Variants in BDNF observed in about 807,000 individuals in gnomAD.
BDNF encodes the protein brain derived neurotrophic factor.
A neutral mutation model predicts 19.5 loss-of-function variants in BDNF; 1 was observed. That is an observed-to-expected ratio of 0.05 (90% CI 0.02 to 0.24). BDNF has a LOEUF of 0.24. Among genes scored for constraint, BDNF ranks in the 10% least tolerant of loss-of-function variants. The pLI, the probability that BDNF is intolerant of heterozygous loss-of-function variation, is 1.00. For synonymous variants in BDNF, 100 were observed against 121.6 expected, an observed-to-expected ratio of 0.82 and a Z score of 1.17; for missense variants, 195 against 317.6, an observed-to-expected ratio of 0.61 and a Z score of 2.93.
chr11:27,716,436 C>A (rs1860512264), intron 1 of BDNF, among the ~76,000 whole-genome samples: 1 of 129,216 alleles, frequency 7.7e-6, no homozygotes, highest in African/African-American at 2.9e-5. Context: ...GACACACACG[C>A]CCATACACAC....
chr11:27,699,658 G>A, intron 1 of BDNF: 1 of 1,427,422 alleles, frequency 7.0e-7, no homozygotes, highest in Non-Finnish European at 9.1e-7. Flanking sequence ...TGGGGAGCAG[G>A]TAGCCGTGTG....
intron 1 of BDNF, among the ~76,000 whole-genome samples, chr11:27,670,270 A>G (rs1855134166): frequency 6.6e-6 from 1 of 152,258 alleles, no homozygotes; most frequent in Admixed American, 6.5e-5. Flanking sequence ...AAGATGAATT[A>G]AAGACTTACA....
intron 1 of BDNF, chr11:27,674,999 G>A: frequency 2.6e-6 from 2 of 769,904 alleles, no homozygotes; most frequent in Non-Finnish European, 3.2e-6. Context: ...GGAAACTGAG[G>A]CCCAGAGAGT....
chr11:27,718,296 G>C (rs1860594377), intron 1 of BDNF, among the ~76,000 whole-genome samples: 1 of 150,674 alleles, frequency 6.6e-6, no homozygotes, highest in Admixed American at 6.7e-5. Context: ...CCGCCTGATT[G>C]GAAAAAGCAA....
At chr11:27,674,974 A>G (rs913511616) in intron 1 of BDNF, 2 of 806,754 alleles carry the variant, frequency 2.5e-6, no homozygotes, top group African/African-American at 3.7e-5. Context: ...TTGATTATCC[A>G]CCATTTATAG....
At chr11:27,709,282 C>G (rs527987659) in intron 1 of BDNF, among the ~76,000 whole-genome samples, 1 of 152,040 alleles carries the variant, frequency 6.6e-6, no homozygotes, top group South Asian at 2.1e-4. Flanking sequence ...AATGAAGTAA[C>G]TCTGAAATAA....
chr11:27,682,023 G>A (rs1856889434), intron 1 of BDNF, among the ~76,000 whole-genome samples: 1 of 152,080 alleles, frequency 6.6e-6, no homozygotes, highest in African/African-American at 2.4e-5. Context: ...TTTCAAGTCA[G>A]AATAAAATCT....
chr11:27,687,804 C>A (rs1287241382), intron 1 of BDNF, among the ~76,000 whole-genome samples: 1 of 152,186 alleles, frequency 6.6e-6, no homozygotes, highest in Non-Finnish European at 1.5e-5. Flanking sequence ...GGGCACCCAC[C>A]AGATGCCAGC....
chr11:27,658,427 C>T lies in BDNF; in HGVS notation c.138G>A (p.Val46=). The T allele has an allele frequency of 3.7e-6, 6 of 1,614,206 alleles. No homozygotes were observed. Among genetic ancestry groups the T allele is most frequent in the Non-Finnish European group, 5.1e-6 (6 of 1,180,030 alleles). The part of the protein sequence containing the change: ...GVRTHGTLES[V]NGPKAGSRGL... ...CTCTTGAACCTGCCTTGGGCCCATT[C>T]ACGCTCTCCAGAGTCCCATGGGTCC... Residue 46 remains valine (V), a synonymous_variant, in exon 2 of 2, where the codon GTG becomes GTA. Transcript: ENST00000356660. This position sits in a 1 kb window ranked among gnomAD's most constrained non-coding sequence, Gnocchi z 5.7.
intron 1 of BDNF, chr11:27,677,910 A>G (rs1402839624): frequency 6.6e-6 from 1 of 152,182 alleles, no homozygotes; most frequent in Non-Finnish European, 1.5e-5. Context: ...TTTTCCTGGT[A>G]ATGACTACAA....
chr11:27,703,361 C>T (rs1288591186), upstream of BDNF, among the ~76,000 whole-genome samples: 1 of 152,224 alleles, frequency 6.6e-6, no homozygotes, highest in Non-Finnish European at 1.5e-5. Context: ...ACTTTGTTAA[C>T]TTCAAACTGA....
At chr11:27,720,379 A>G (rs139476136) in intron 1 of BDNF, 63 of 985,892 alleles carry the variant, frequency 6.4e-5, no homozygotes, top group Non-Finnish European at 7.3e-5. Flanking sequence ...CGGTGGCTAG[A>G]TCCTGGAGAT....
At chr11:27,700,994 G>C (rs753114863), upstream of BDNF, 1 of 1,361,678 alleles carries the variant, frequency 7.3e-7, no homozygotes, top group Non-Finnish European at 9.8e-7. Context: ...CCTGCACTAC[G>C]GAGCTTGCGA....
chr11:27,663,924 G>T (rs1853880238), intron 1 of BDNF, among the ~76,000 whole-genome samples: 2 of 152,140 alleles, frequency 1.3e-5, no homozygotes, highest in South Asian at 4.1e-4. Context: ...TTCAGACAAT[G>T]TGGTCTTTTT....
chr11:27,689,861 C>T (rs1158615), intron 1 of BDNF, among the ~76,000 whole-genome samples: 151,643 of 152,170 alleles, frequency 1, 75,560 homozygotes, highest in Middle Eastern at 1. Flanking sequence ...TTTGTCCTGA[C>T]GCACTCTCTC....
intron 1 of BDNF, among the ~76,000 whole-genome samples, chr11:27,661,821 T>C (rs1295214472): frequency 2.6e-5 from 4 of 152,170 alleles, no homozygotes; most frequent in Non-Finnish European, 4.4e-5. Context: ...ACTTGTTCCA[T>C]TCCTCTGACA....
At chr11:27,667,527 CAT>C (rs1292751097) in intron 1 of BDNF, among the ~76,000 whole-genome samples, 5 of 152,180 alleles carry the variant, frequency 3.3e-5, no homozygotes, top group East Asian at 1.9e-4. Flanking sequence ...AGACCCATCT[CAT>C]GTGCAGAGAC....
intron 1 of BDNF, among the ~76,000 whole-genome samples, chr11:27,676,785 T>G (rs754869997): frequency 2.0e-5 from 3 of 152,248 alleles, no homozygotes; most frequent in Non-Finnish European, 4.4e-5. Context: ...AAGACATCCC[T>G]GTGATTTGGG....
chr11:27,662,319 T>A (rs1386625809), intron 1 of BDNF, among the ~76,000 whole-genome samples: 1 of 152,236 alleles, frequency 6.6e-6, no homozygotes, highest in African/African-American at 2.4e-5. Context: ...GCCCCCATAA[T>A]GCTTAACAGA....
Sources: allele counts gnomAD v4.1 joint callset (sites outside exome capture counted in the v4.1 genomes callset), GRCh38; gene constraint gnomAD v4.1.1; non-coding constraint Gnocchi (gnomAD v3.1); transcripts MANE v1.5; gene names NCBI Gene and HGNC (gene_info 2026-07-23, HGNC 2026-07-21).